The following KCTD1 variants were observed in gnomAD, a reference collection of about 807,000 sequenced individuals.
The protein encoded by KCTD1 is potassium channel tetramerization domain containing 1, also known as BTB/POZ domain-containing protein KCTD1.
KCTD1 carries 24 observed loss-of-function variants against 66.0 expected under a neutral mutation model. That is an observed-to-expected ratio of 0.36 (90% CI 0.26 to 0.51). The LOEUF (loss-of-function observed/expected upper bound fraction) is 0.51, where lower values mean the gene tolerates loss of function less well. Among genes scored for constraint, KCTD1 ranks in the 20% least tolerant of loss-of-function variants. KCTD1 has a pLI of 0.95. For missense variants in KCTD1, 943 were observed against 1,205.2 expected, an observed-to-expected ratio of 0.78 and a Z score of 3.22; for synonymous variants, 511 against 517.2, an observed-to-expected ratio of 0.99 and a Z score of 0.16.
chr18:26,466,376 C>G (rs1485123297), intron 3 of KCTD1, among the ~76,000 whole-genome samples: 1 of 152,192 alleles, frequency 6.6e-6, no homozygotes, highest in Non-Finnish European at 1.5e-5. Context: ...TCCACTAATT[C>G]TATGAGATAA....
At chr18:26,535,570 C>T (rs569585081) in intron 1 of KCTD1, among the ~76,000 whole-genome samples, 5 of 152,240 alleles carry the variant, frequency 3.3e-5, no homozygotes, top group African/African-American at 1.2e-4. Context: ...TTCACCCGAC[C>T]CATCATGTTC....
chr18:26,517,094 C>T (rs1421400824), intron 1 of KCTD1, among the ~76,000 whole-genome samples: 1 of 152,158 alleles, frequency 6.6e-6, no homozygotes, highest in Non-Finnish European at 1.5e-5. Context: ...AGCCTGTGCT[C>T]ACTGAGGAAT....
chr18:26,520,656 G>A (rs1348816928), intron 1 of KCTD1, among the ~76,000 whole-genome samples: 2 of 152,086 alleles, frequency 1.3e-5, no homozygotes, highest in African/African-American at 4.8e-5. Flanking sequence ...AAAAATAACT[G>A]CTAAAAAGAC....
chr18:26,504,954 G>A (rs1417487623), intron 1 of KCTD1, among the ~76,000 whole-genome samples: 1 of 152,228 alleles, frequency 6.6e-6, no homozygotes, highest in Non-Finnish European at 1.5e-5. Context: ...GCCCAGGATG[G>A]CAGAGCTGAG....
intron 3 of KCTD1, among the ~76,000 whole-genome samples, chr18:26,472,125 G>C (rs1370810182): frequency 1.3e-5 from 2 of 152,152 alleles, no homozygotes; most frequent in Non-Finnish European, 2.9e-5. Context: ...CTTGGTGGTG[G>C]TGGTGGCAGA....
chr18:26,579,663 C>T (rs1986308377), intron 1 of KCTD1, among the ~76,000 whole-genome samples: 1 of 152,184 alleles, frequency 6.6e-6, no homozygotes, highest in Non-Finnish European at 1.5e-5. Context: ...TATTTCCCAT[C>T]ATCAAATTTT....
intron 2 of KCTD1, among the ~76,000 whole-genome samples, chr18:26,497,928 C>G (rs1982562813): frequency 6.6e-6 from 1 of 152,292 alleles, no homozygotes; most frequent in East Asian, 1.9e-4. Context: ...AGATGTAAAG[C>G]TGCTTCCATG....
At chr18:26,467,409 C>A (rs55829126) in intron 3 of KCTD1, among the ~76,000 whole-genome samples, 8 of 151,822 alleles carry the variant, frequency 5.3e-5, no homozygotes, top group Admixed American at 1.3e-4. Context: ...CCAGCTACTT[C>A]GGGGGCGCTG....
intron 2 of KCTD1, among the ~76,000 whole-genome samples, chr18:26,499,312 G>A (rs1982636706): frequency 6.6e-6 from 1 of 151,998 alleles, no homozygotes; most frequent in African/African-American, 2.4e-5. Context: ...AATGGAAACA[G>A]GCATTTTCAA....
At chr18:26,484,210 A>G (rs999946980) in intron 2 of KCTD1, among the ~76,000 whole-genome samples, 1 of 152,238 alleles carries the variant, frequency 6.6e-6, no homozygotes, top group South Asian at 2.1e-4. Flanking sequence ...ATGAACACAG[A>G]TAAAAATTAA....
At chr18:26,620,845 T>G (rs1386034229) in intron 1 of KCTD1, among the ~76,000 whole-genome samples, 1 of 150,844 alleles carries the variant, frequency 6.6e-6, no homozygotes. Flanking sequence ...TTTTTTTTTT[T>G]TTTTTGAGAC....
intron 1 of KCTD1, among the ~76,000 whole-genome samples, chr18:26,591,770 G>A (rs908081668): frequency 3.3e-5 from 5 of 152,064 alleles, no homozygotes; most frequent in East Asian, 1.9e-4. Flanking sequence ...TCGAACCACC[G>A]AACTTTATAT....
intron 1 of KCTD1, among the ~76,000 whole-genome samples, chr18:26,614,650 C>A (rs1321079955): frequency 2.0e-5 from 3 of 152,154 alleles, no homozygotes; most frequent in African/African-American, 2.4e-5. Context: ...GGGGCCTGAT[C>A]TTGGAAGGCT....
chr18:26,552,487 T>G (rs1425164792), upstream of KCTD1, among the ~76,000 whole-genome samples: 1 of 152,240 alleles, frequency 6.6e-6, no homozygotes, highest in African/African-American at 2.4e-5. Flanking sequence ...CAGGGAAGTT[T>G]TTGTGAAAAA....
intron 1 of KCTD1, among the ~76,000 whole-genome samples, chr18:26,509,691 CA>C (rs1427728945): frequency 6.6e-6 from 1 of 152,038 alleles, no homozygotes; most frequent in Non-Finnish European, 1.5e-5. Flanking sequence ...ATTTCCATCC[CA>C]AAACAGTAAA....
At chr18:26,473,714 C>A (rs969632378) in intron 3 of KCTD1, among the ~76,000 whole-genome samples, 2 of 152,138 alleles carry the variant, frequency 1.3e-5, no homozygotes, top group East Asian at 3.8e-4. Context: ...TGTCTTCAAA[C>A]CCTGGAATCA....
At chr18:26,549,920 CG>C, upstream of KCTD1, 1 of 465,268 alleles carries the variant, frequency 2.1e-6, no homozygotes, top group Non-Finnish European at 2.8e-6. Context: ...GTCCTTGCGT[CG>C]CCGCCTCCCG....
chr18:26,472,264 T>A (rs1981109714), intron 3 of KCTD1, among the ~76,000 whole-genome samples: 1 of 152,170 alleles, frequency 6.6e-6, no homozygotes, highest in Non-Finnish European at 1.5e-5. Flanking sequence ...ATTTTCATAT[T>A]GTACTAACCA....
chr18:26,641,070 G>A (rs943727730), upstream of KCTD1, among the ~76,000 whole-genome samples: 1 of 152,088 alleles, frequency 6.6e-6, no homozygotes, highest in Non-Finnish European at 1.5e-5. Flanking sequence ...TTTTAAAATC[G>A]TTTTTACCTG....
Sources: allele counts gnomAD v4.1 joint callset (sites outside exome capture counted in the v4.1 genomes callset), GRCh38; gene constraint gnomAD v4.1.1; transcripts MANE v1.5; gene names NCBI Gene and HGNC (gene_info 2026-07-23, HGNC 2026-07-21).